QTMAN: variants seen among roughly 807,000 people sequenced by gnomAD.
QTMAN encodes tRNA-queuosine alpha-mannosyltransferase.
At chr2:144,014,318 G>A in the QTMAN span, among the ~76,000 whole-genome samples, 1 of 152,130 alleles carries the variant, frequency 6.6e-6, no homozygotes, top group Non-Finnish European at 1.5e-5. Context: ...GGGAATACCC[G>A]CTAGCCCAAC....
chr2:144,145,619 T>C, the QTMAN span: 6 of 1,609,812 alleles, frequency 3.7e-6, no homozygotes, highest in South Asian at 2.2e-5. Context: ...TCTCCTGACA[T>C]TTCTTGACAG....
chr2:144,246,025 C>G, the QTMAN span, among the ~76,000 whole-genome samples: 1 of 152,164 alleles, frequency 6.6e-6, no homozygotes, highest in Non-Finnish European at 1.5e-5. Flanking sequence ...ATGTTAAGAA[C>G]TGATCTACTG....
At chr2:143,989,512 CT>C in the QTMAN span, among the ~76,000 whole-genome samples, 1 of 152,068 alleles carries the variant, frequency 6.6e-6, no homozygotes, top group Non-Finnish European at 1.5e-5. Flanking sequence ...ATGAGTGGTC[CT>C]TAAAGAATGA....
At chr2:143,948,467 A>G in the QTMAN span, among the ~76,000 whole-genome samples, 2 of 152,170 alleles carry the variant, frequency 1.3e-5, no homozygotes, top group African/African-American at 4.8e-5. Context: ...ATACCATTCA[A>G]TTTATAAATA....
At chr2:144,099,133 A>C in the QTMAN span, among the ~76,000 whole-genome samples, 9 of 152,230 alleles carry the variant, frequency 5.9e-5, no homozygotes, top group African/African-American at 2.2e-4. Flanking sequence ...TTATAATTCT[A>C]TATTTAATTT....
At chr2:144,065,749 TA>T in the QTMAN span, among the ~76,000 whole-genome samples, 1 of 151,332 alleles carries the variant, frequency 6.6e-6, no homozygotes, top group South Asian at 2.1e-4. Flanking sequence ...TGACATTGGG[TA>T]AAAGAAAATA....
chr2:144,060,854 A>T, the QTMAN span, among the ~76,000 whole-genome samples: 1 of 152,204 alleles, frequency 6.6e-6, no homozygotes, highest in Non-Finnish European at 1.5e-5. Context: ...ACAGCCCTCC[A>T]AATGTTTATA....
At chr2:144,323,323 G>A in the QTMAN span, among the ~76,000 whole-genome samples, 1 of 152,194 alleles carries the variant, frequency 6.6e-6, no homozygotes, top group Non-Finnish European at 1.5e-5. Flanking sequence ...GTATGCTTAA[G>A]GGTCAAAATT....
the QTMAN span, among the ~76,000 whole-genome samples, chr2:144,323,283 G>A: frequency 4.6e-5 from 7 of 152,108 alleles, no homozygotes; most frequent in Middle Eastern, 3.2e-3. Flanking sequence ...TGCACATTTC[G>A]TATCTCATCA....
At chr2:143,985,853 T>C in the QTMAN span, among the ~76,000 whole-genome samples, 1 of 152,366 alleles carries the variant, frequency 6.6e-6, no homozygotes, top group African/African-American at 2.4e-5. Context: ...ATAGTTTTAA[T>C]ATTTTTAAAA....
At chr2:144,223,067 G>A in the QTMAN span, among the ~76,000 whole-genome samples, 1 of 152,242 alleles carries the variant, frequency 6.6e-6, no homozygotes, top group Non-Finnish European at 1.5e-5. Context: ...CCAAGCTCTA[G>A]TACTTTTTAC....
the QTMAN span, among the ~76,000 whole-genome samples, chr2:144,196,213 CCACACACACACA>C: frequency 1.5e-3 from 208 of 142,526 alleles, no homozygotes; most frequent in African/African-American, 5.0e-3. Context: ...GCACACATAG[CCACACACACACA>C]CACACACACA....
At chr2:143,962,912 AAGTG>A in the QTMAN span, among the ~76,000 whole-genome samples, 1 of 152,186 alleles carries the variant, frequency 6.6e-6, no homozygotes, top group South Asian at 2.1e-4. Flanking sequence ...GTTGCCCCAC[AAGTG>A]GGCTAGTCTT....
the QTMAN span, chr2:144,007,580 A>G: frequency 7.4e-7 from 1 of 1,347,082 alleles, no homozygotes; most frequent in Non-Finnish European, 1.0e-6. Flanking sequence ...GGAAAAAAAT[A>G]TGTAAAATTT....
At chr2:143,973,720 C>T in the QTMAN span, among the ~76,000 whole-genome samples, 6 of 150,258 alleles carry the variant, frequency 4.0e-5, no homozygotes, top group African/African-American at 7.4e-5. Context: ...ACCCGGGAGG[C>T]GGAGCTTGCA....
At chr2:144,099,477 G>T in the QTMAN span, among the ~76,000 whole-genome samples, 1 of 152,168 alleles carries the variant, frequency 6.6e-6, no homozygotes, top group East Asian at 1.9e-4. Flanking sequence ...GTAACGAAAG[G>T]ACTAGGGTAT....
chr2:144,088,608 G>T, the QTMAN span, among the ~76,000 whole-genome samples: 1 of 151,894 alleles, frequency 6.6e-6, no homozygotes, highest in Non-Finnish European at 1.5e-5. Context: ...GCATGGTATT[G>T]GTATAAAAAT....
the QTMAN span, among the ~76,000 whole-genome samples, chr2:144,262,060 C>T: frequency 6.6e-5 from 10 of 152,066 alleles, no homozygotes; most frequent in South Asian, 4.1e-4. Context: ...AGAAGAAACA[C>T]GTGGGCTTAT....
chr2:144,215,207 A>T, the QTMAN span, among the ~76,000 whole-genome samples: 1 of 151,718 alleles, frequency 6.6e-6, no homozygotes, highest in Non-Finnish European at 1.5e-5. Flanking sequence ...GTGCTACTGT[A>T]TTCCAGCCTG....
Sources: gnomAD v4.1 joint callset for allele counts (sites outside exome capture counted in the v4.1 genomes callset) on GRCh38, gnomAD v4.1.1 for gene constraint, MANE v1.5 for transcripts, NCBI Gene and HGNC (gene_info 2026-07-23, HGNC 2026-07-21) for gene names.